Variants in ITPR3 observed in about 807,000 individuals in gnomAD.
The protein encoded by ITPR3 is inositol 1,4,5-trisphosphate receptor type 3, also known as inositol 1,4,5-trisphosphate-gated calcium channel ITPR3.
Under a neutral mutation model 293.2 loss-of-function variants are expected in ITPR3, and 173 were observed. The ratio of observed to expected loss-of-function variants is 0.59; its 90% CI spans 0.52 to 0.67. The LOEUF (loss-of-function observed/expected upper bound fraction) is 0.67, where lower values mean the gene tolerates loss of function less well. ITPR3 is among the 30% of genes least tolerant of loss of function. The pLI, the probability that ITPR3 is intolerant of heterozygous loss-of-function variation, is 0.00. For missense variants in ITPR3, 2,796 were observed against 3,592.1 expected (o/e 0.78, Z 5.66); for synonymous variants, 1,295 against 1,444.4 (o/e 0.90, Z 2.35).
chr6:33,685,523 C>A lies in ITPR3; in HGVS notation c.5472C>A (p.Pro1824=), dbSNP rs556960982. The A allele has an allele frequency of 2.3e-5, 37 of 1,613,418 alleles. No individual in the cohort carries two copies. In the South Asian group the frequency reaches 4.0e-4, roughly 17 times the overall value. ...QPHEDREPVD[P]TTKGRVASFS... ...ATGAGGACCGCGAGCCAGTCGACCCCACCACCAAAGGTCAGGGGTCTGAGG... is the reference window on the plus strand; with the variant it reads ...ATGAGGACCGCGAGCCAGTCGACCCAACCACCAAAGGTCAGGGGTCTGAGG... Residue 1824 remains proline (P), a synonymous_variant, in exon 40 of 58, where the codon CCC becomes CCA. Coordinates refer to ENST00000605930, the MANE Select transcript of ITPR3 (RefSeq NM_002224.4).
intron 41 of ITPR3, 102 bp from the exon 42 acceptor site, chr6:33,685,951 G>A: frequency 6.6e-7 from 1 of 1,517,778 alleles, no homozygotes; most frequent in Non-Finnish European, 9.0e-7. Flanking sequence ...CTTTGTGGCT[G>A]GTGGTTCCCC....
chr6:33,655,940 T>C lies in ITPR3; in HGVS notation c.282+53T>C. ...TGTGCACATGTACCAGGAACCTGGG[T>C]ACACAAGCAGCGGTGCTGCTTGTCG... On this transcript the variant is annotated intron_variant, in intron 3 of 57. Transcript: ENST00000605930. This position sits in a 1 kb window ranked among gnomAD's most constrained non-coding sequence, Gnocchi z 4.9. The C allele has an allele frequency of 6.2e-7, 1 of 1,609,166 alleles. No homozygotes were observed. Among genetic ancestry groups the C allele is most frequent in the Non-Finnish European group, 8.5e-7 (1 of 1,176,868 alleles).
rs993343834 is a variant in ITPR3, at chr6:33,682,908, A to G, written c.4597+264A>G. Among the ~76,000 whole-genome samples, 5 of 152,148 alleles carry G rather than the reference A, an allele frequency of 3.3e-5. No individual in the cohort carries two copies. Among genetic ancestry groups the G allele is most frequent in the Non-Finnish European group, 5.9e-5 (4 of 68,022 alleles). On this transcript the variant is annotated intron_variant, in intron 34 of 57. Coordinates refer to ENST00000605930, the MANE Select transcript of ITPR3 (RefSeq NM_002224.4). The surrounding 1 kb of genome is among the most constrained non-coding windows in gnomAD (Gnocchi z 5.4). ...TGGGTATTTGCAGATGGGCTCAGGC[A>G]GGAGCAGGCCTGTGGATTGTTAGGG...
At chr6:33,661,880 C>T (rs1764478118) in intron 7 of ITPR3, among the ~76,000 whole-genome samples, 1 of 150,012 alleles carries the variant, frequency 6.7e-6, no homozygotes, top group Non-Finnish European at 1.5e-5. Flanking sequence ...CCTGTGGTCC[C>T]AGCTACACAG....
In ITPR3 at chr6:33,688,442, AC is replaced by A; in HGVS notation, c.6568+12del. ...AGCGCAAGCTCCGCAGTGAGGACCC[AC>A]GGGCGGGAGGGTGGGGCGGTCTGGA... On this transcript the variant is annotated intron_variant, in intron 48 of 57. Transcript: ENST00000605930. The A allele has an allele frequency of 3.2e-6, 1 of 310,766 alleles. No individual in the cohort carries two copies. Among genetic ancestry groups the A allele is most frequent in the Non-Finnish European group, 6.0e-6 (1 of 166,668 alleles). 19.3% of individuals were successfully genotyped at this position (310,766 alleles called of 1,614,324 possible). A position where few individuals can be genotyped will look rare whatever the true frequency, so the allele number is the denominator to read the frequency against.
chr6:33,692,035 A>T lies in ITPR3; in HGVS notation c.7458+107A>T. On this transcript the variant is annotated intron_variant, in intron 54 of 57. Coordinates refer to ENST00000605930, the MANE Select transcript of ITPR3 (RefSeq NM_002224.4). The surrounding 1 kb of genome is among the most constrained non-coding windows in gnomAD (Gnocchi z 4.2). ...CCTCGCGTCAGATATTCAGGGTTGAACCCCCTCCCCCGAACTTGTATCCAC... is the reference window on the plus strand; with the variant it reads ...CCTCGCGTCAGATATTCAGGGTTGATCCCCCTCCCCCGAACTTGTATCCAC... 1 of 1,448,694 alleles carries T rather than the reference A, an allele frequency of 6.9e-7. No homozygotes were observed. Among genetic ancestry groups the T allele is most frequent in the Non-Finnish European group, 9.5e-7 (1 of 1,048,490 alleles). The allele number at this position is 1,448,694 out of a possible 1,614,324, so 89.7% of individuals were successfully genotyped here.
chr6:33,677,386 T>C, intron 27 of ITPR3, 118 bp from the exon 28 acceptor site: 1 of 1,431,760 alleles, frequency 7.0e-7, no homozygotes, highest in Non-Finnish European at 9.6e-7. Flanking sequence ...ATTCAGCGCC[T>C]GTGACCTCCT....
Position 33,662,534 on chromosome 6 carries a change from GT to G in ITPR3, c.719del (p.Val240GlyfsTer13). 1 of 1,594,324 alleles carries G rather than the reference GT, an allele frequency of 6.3e-7. No homozygotes were observed. Among genetic ancestry groups the G allele is most frequent in the Non-Finnish European group, 8.5e-7 (1 of 1,172,322 alleles). On this transcript the variant is annotated frameshift_variant, in exon 8 of 58. Transcript: ENST00000605930. LOFTEE classifies it high-confidence loss of function. ...CACACCCTGCTGCCTGCAGGGAGAC[GT>G]GGTGCGGCTGTTCCATGCGGAGCAG... The part of the protein sequence containing the change: ...HLEEVLKGGD[V>X]VRLFHAEQEK...
At chr6:33,652,492 GCT>G in intron 2 of ITPR3, among the ~76,000 whole-genome samples, 1 of 152,116 alleles carries the variant, frequency 6.6e-6, no homozygotes. Flanking sequence ...ACGAAGTCTT[GCT>G]CTGTCACCCA....
In ITPR3 at chr6:33,655,733, C is replaced by G; in HGVS notation, c.161-33C>G. ...GGAGGGCCCTGAGCCCCAGATGAAT[C>G]ATTCCCCTCACCCCCAACCTGCCCC... On this transcript the variant is annotated intron_variant, in intron 2 of 57. Coordinates refer to ENST00000605930, the MANE Select transcript of ITPR3 (RefSeq NM_002224.4). The surrounding 1 kb of genome is among the most constrained non-coding windows in gnomAD (Gnocchi z 4.9). 3 of 1,613,396 alleles carry G rather than the reference C, an allele frequency of 1.9e-6. No homozygotes were observed. Among genetic ancestry groups the G allele is most frequent in the Non-Finnish European group, 2.5e-6 (3 of 1,179,602 alleles).
intron 2 of ITPR3, among the ~76,000 whole-genome samples, chr6:33,646,685 A>G (rs987816458): frequency 6.6e-6 from 1 of 152,054 alleles, no homozygotes. Context: ...TGGGACACCC[A>G]GGTAGGTGGA....
intron 25 of ITPR3, 141 bp from the exon 26 acceptor site, chr6:33,676,627 T>C (rs1278180383): frequency 6.1e-6 from 6 of 986,482 alleles, no homozygotes; most frequent in African/African-American, 1.6e-5. Context: ...GCCAGAAACA[T>C]TGAGTGGGAA....
Position 33,663,864 on chromosome 6 carries a change from G to A in ITPR3, c.1132G>A (p.Asp378Asn), listed in dbSNP as rs1451673588. ...ELDPTTLQKT[D>N]SFVPRNSYVR... ...GGACCCCACCACCTTGCAGAAAACCGACTCTTTCGTGCCCCGGTGGGTATG... is the reference window on the plus strand; with the variant it reads ...GGACCCCACCACCTTGCAGAAAACCAACTCTTTCGTGCCCCGGTGGGTATG... Residue 378 changes from aspartate to asparagine, a missense_variant, in exon 11 of 58, where the codon GAC becomes AAC. By Grantham distance (23) the Asp-to-Asn change is conservative. This residue lies in a region of ITPR3 where 955 missense variants were observed against 1,180.8 expected (regional missense o/e 0.81). Transcript: ENST00000605930. The A allele has an allele frequency of 4.3e-6, 7 of 1,614,006 alleles. No individual in the cohort carries two copies. Among genetic ancestry groups the A allele is most frequent in the Admixed American group, 3.3e-5 (2 of 60,010 alleles).
chr6:33,678,597 G>GGGGGGGGGTGGT, intron 29 of ITPR3, 42 bp from the exon 30 acceptor site: 1 of 1,570,084 alleles, frequency 6.4e-7, no homozygotes, highest in Non-Finnish European at 8.7e-7. Flanking sequence ...GGGGGTGGGG[G>GGGGGGGGGTGGT]CGGGGCCCAG....
chr6:33,669,123 A>C lies in ITPR3; in HGVS notation c.2156A>C (p.Asn719Thr). Residue 719 changes from asparagine (N) to threonine (T), a missense_variant, in exon 18 of 58, where the codon AAC (asparagine) becomes ACC (threonine). Asn to Thr is a moderately conservative substitution (Grantham distance 65). Coordinates refer to ENST00000605930, the MANE Select transcript of ITPR3 (RefSeq NM_002224.4). ...RQLAQEARAG[N>T]AHDENVLSYY... Reference sequence around the variant, plus strand: ...CTGGCCCAGGAGGCGCGGGCCGGCAACGCCCACGACGAGAATGTGCTCAGC... The same window carrying C: ...CTGGCCCAGGAGGCGCGGGCCGGCACCGCCCACGACGAGAATGTGCTCAGC... 6.2e-7 allele frequency: 1 copy of C among 1,614,044 alleles called. No homozygotes were observed. The highest frequency in any genetic ancestry group is 8.5e-7 in the Non-Finnish European group (1 of 1,179,992).
intron 26 of ITPR3, 22 bp downstream of exon 26, chr6:33,676,954 C>T (rs758796245): frequency 1.9e-6 from 3 of 1,613,810 alleles, no homozygotes; most frequent in East Asian, 4.5e-5. Context: ...TCCAGGGGGC[C>T]AGGGCAGGCC....
Position 33,675,292 on chromosome 6 carries a change from C to T in ITPR3, c.3117-399C>T, listed in dbSNP as rs1764875080. Reference sequence around the variant, plus strand: ...CAAAAATTAGCCGGGTGTGTTGGCACACACTGGTAATTCCAGCTACTCAGG... The same window carrying T: ...CAAAAATTAGCCGGGTGTGTTGGCATACACTGGTAATTCCAGCTACTCAGG... On this transcript the variant is annotated intron_variant, in intron 24 of 57. Coordinates refer to ENST00000605930, the MANE Select transcript of ITPR3 (RefSeq NM_002224.4). The surrounding 1 kb of genome is among the most constrained non-coding windows in gnomAD (Gnocchi z 5.0). Among the ~76,000 whole-genome samples the T allele has an allele frequency of 1.3e-5, 2 of 152,038 alleles. No homozygotes were observed. Among genetic ancestry groups the T allele is most frequent in the Non-Finnish European group, 2.9e-5 (2 of 68,010 alleles).
Position 33,687,241 on chromosome 6 carries a change from A to C in ITPR3, c.6091A>C (p.Lys2031Gln), listed in dbSNP as rs1765256175. ...GCCCCTCCAGGTGGACGTCATCAAG[A>C]AGGCCTACCTGCAGGAGGAAGAGCG... ...RPQELVDVIK[K>Q]AYLQEEEREN... Residue 2031 changes from lysine to glutamine, a missense_variant, in exon 45 of 58, where the codon AAG (lysine) becomes CAG (glutamine). Physicochemically the swap from Lys to Gln is moderately conservative, Grantham distance 53. Transcript: ENST00000605930. This position sits in a 1 kb window ranked among gnomAD's most constrained non-coding sequence, Gnocchi z 5.3. 1 of 1,613,274 alleles carries C rather than the reference A, an allele frequency of 6.2e-7. No homozygotes were observed. Among genetic ancestry groups the C allele is most frequent in the Non-Finnish European group, 8.5e-7 (1 of 1,179,358 alleles).
rs575410825 is a variant in ITPR3, at chr6:33,667,991, G to T, written c.1886+27G>T. ...TGGGCCCGAACCCCCTCCCCGGCCGGCGCCTGCTCCTCCCTCCTCCCTTGC... is the reference window on the plus strand; with the variant it reads ...TGGGCCCGAACCCCCTCCCCGGCCGTCGCCTGCTCCTCCCTCCTCCCTTGC... On this transcript the variant is annotated intron_variant, in intron 16 of 57. Transcript: ENST00000605930. The surrounding 1 kb of genome is among the most constrained non-coding windows in gnomAD (Gnocchi z 4.4). 6.8e-6 allele frequency: 11 copies of T among 1,612,054 alleles called. No homozygotes were observed. The African/African-American group carries it at 1.3e-4, about 20-fold the overall frequency.
Sources: allele counts gnomAD v4.1 joint callset (sites outside exome capture counted in the v4.1 genomes callset), GRCh38; gene constraint gnomAD v4.1.1; regional missense constraint gnomAD v4.1.1; non-coding constraint Gnocchi (gnomAD v3.1); transcripts MANE v1.5; gene names NCBI Gene and HGNC (gene_info 2026-07-23, HGNC 2026-07-21).